The following SNX8 variants were observed in gnomAD, a reference collection of about 807,000 sequenced individuals.
The protein encoded by SNX8 is sorting nexin 8, also known as sorting nexin-8.
Under a neutral mutation model 51.6 loss-of-function variants are expected in SNX8, and 25 were observed. The observed-to-expected ratio is 0.48, with a 90% CI of 0.35 to 0.68. The LOEUF (loss-of-function observed/expected upper bound fraction) is 0.68. SNX8 is among the 30% of genes least tolerant of loss of function. The pLI is 0.00. For missense variants in SNX8, 695 were observed against 624.0 expected (o/e 1.11, Z -1.21); for synonymous variants, 324 against 277.0 (o/e 1.17, Z -1.68).
chr7:2,332,717 T>A (rs957755414), intron 1 of SNX8, among the ~76,000 whole-genome samples: 21 of 137,186 alleles, frequency 1.5e-4, no homozygotes, highest in African/African-American at 6.0e-4. Flanking sequence ...ACCACTGTAC[T>A]CCAGTGAGAG....
intron 1 of SNX8, among the ~76,000 whole-genome samples, chr7:2,298,392 C>T (rs992189560): frequency 1.3e-5 from 2 of 152,004 alleles, no homozygotes; most frequent in Non-Finnish European, 2.9e-5. Flanking sequence ...TTTTTTGAGA[C>T]GGAGTCTCAT....
intron 1 of SNX8, among the ~76,000 whole-genome samples, chr7:2,344,654 C>A (rs970674068): frequency 6.6e-6 from 1 of 151,750 alleles, no homozygotes; most frequent in Non-Finnish European, 1.5e-5. Flanking sequence ...TGTGGTGGCT[C>A]ACACCTGTAA....
intron 1 of SNX8, among the ~76,000 whole-genome samples, chr7:2,348,401 C>T (rs1667618177): frequency 6.9e-6 from 1 of 144,542 alleles, no homozygotes; most frequent in Non-Finnish European, 1.5e-5. Flanking sequence ...AGTGCAGTGG[C>T]GCGATCTCGG....
At chr7:2,317,595 C>G (rs1174302508), upstream of SNX8, among the ~76,000 whole-genome samples, 1 of 151,934 alleles carries the variant, frequency 6.6e-6, no homozygotes, top group East Asian at 1.9e-4. Context: ...CCTTCTAACG[C>G]TGATGTCACA....
chr7:2,288,783 G>C (rs1416311276), intron 1 of SNX8, among the ~76,000 whole-genome samples: 1 of 152,148 alleles, frequency 6.6e-6, no homozygotes, highest in East Asian at 1.9e-4. Context: ...GCCCAGGCTG[G>C]AGTGCAGTGA....
chr7:2,329,935 C>T (rs1412766676), intron 1 of SNX8, among the ~76,000 whole-genome samples: 1 of 142,762 alleles, frequency 7.0e-6, no homozygotes, highest in Admixed American at 7.1e-5. Context: ...TCAAGCAATT[C>T]GCCACTCCAC....
intron 1 of SNX8, among the ~76,000 whole-genome samples, chr7:2,346,543 C>T (rs555174904): frequency 5.3e-5 from 8 of 151,190 alleles, no homozygotes; most frequent in Non-Finnish European, 8.9e-5. Flanking sequence ...GTCAGGAGAT[C>T]GAGACCATCC....
upstream of SNX8, among the ~76,000 whole-genome samples, chr7:2,316,555 A>G (rs1006404029): frequency 4.7e-5 from 7 of 149,242 alleles, no homozygotes; most frequent in Admixed American, 2.7e-4. Context: ...TCACACAACC[A>G]CTCACTCACT....
intron 1 of SNX8, among the ~76,000 whole-genome samples, chr7:2,335,585 G>A (rs939873898): frequency 1.3e-5 from 2 of 152,012 alleles, no homozygotes; most frequent in African/African-American, 4.8e-5. Flanking sequence ...GGCGTATCAC[G>A]AGGTCAGGAG....
Position 2,298,303 on chromosome 7 carries a change from G to C in SNX8, c.94+16025C>G, listed in dbSNP as rs539597553. Among the ~76,000 whole-genome samples, 27 of 151,876 alleles carry C rather than the reference G, an allele frequency of 1.8e-4. 1 individual carries two copies. The highest frequency in any genetic ancestry group is 6.5e-4 in the African/African-American group (27 of 41,310). Reference sequence around the variant, plus strand: ...CAGCTAACTTTTTATTTTTTTTGTAGAGGCAAAGTCTCACTATGGTGCCCA... The same window carrying C: ...CAGCTAACTTTTTATTTTTTTTGTACAGGCAAAGTCTCACTATGGTGCCCA... On this transcript the variant is annotated intron_variant, in intron 1 of 10. Coordinates refer to ENST00000222990, the MANE Select transcript of SNX8 (RefSeq NM_013321.4).
At chr7:2,340,439 C>T (rs1583124340) in intron 1 of SNX8, among the ~76,000 whole-genome samples, 2 of 149,270 alleles carry the variant, frequency 1.3e-5, no homozygotes, top group African/African-American at 4.9e-5. Context: ...TCTTTTCTTG[C>T]TTTTTTTTTG....
At position 2,324,260 on chromosome 7, in the gene SNX8, C is replaced by T. The variant is rs566967360; in HGVS notation, c.-66+29962G>A. Among the ~76,000 whole-genome samples, 233 of 151,214 alleles carry T rather than the reference C, an allele frequency of 1.5e-3. 3 individuals carry two copies. Among genetic ancestry groups the T allele is most frequent in the South Asian group, 8.8e-3 (42 of 4,782 alleles). The stretch of plus-strand genomic sequence containing the variant: ...AGGAATTCAAAACCAGCCTGGGCAA[C>T]GTAGTGACACCCCATCTCTATTTTC... On this transcript the variant is annotated intron_variant, in intron 1 of 5. Transcript: ENST00000435336.
intron 1 of SNX8, among the ~76,000 whole-genome samples, 163 bp downstream of exon 1, chr7:2,314,165 G>A (rs1047827987): frequency 6.6e-6 from 1 of 152,226 alleles, no homozygotes; most frequent in Admixed American, 6.5e-5. Context: ...AGGCGCGCAG[G>A]AGGGCAGGGG....
intron 1 of SNX8, among the ~76,000 whole-genome samples, chr7:2,348,373 C>A (rs1779074169): frequency 7.2e-6 from 1 of 137,940 alleles, no homozygotes; most frequent in African/African-American, 2.7e-5. Context: ...CAGAGTCTCG[C>A]TCTGTCGCCC....
In SNX8 at chr7:2,269,738, A is replaced by C. The variant is rs1795598401; in HGVS notation, c.541-99T>G. 1.3e-5 allele frequency: 9 copies of C among 693,106 alleles called. No individual in the cohort carries two copies. The South Asian group carries it at 1.6e-4, about 12-fold the overall frequency. 42.9% of individuals were successfully genotyped at this position (693,106 alleles called of 1,614,324 possible). On this transcript the variant is annotated intron_variant, in intron 4 of 10. Transcript: ENST00000222990. ...GTGGAGCGGGAGGTCGTCTTTCCTC[A>C]GGAGAAACACATTTCCATATGTTGG...
chr7:2,290,603 G>C (rs535999656), intron 1 of SNX8, among the ~76,000 whole-genome samples: 10 of 152,340 alleles, frequency 6.6e-5, no homozygotes, highest in South Asian at 4.1e-4. Flanking sequence ...ATTCACGTGA[G>C]CAAGAAAGCC....
intron 1 of SNX8, among the ~76,000 whole-genome samples, chr7:2,312,609 C>A (rs147551132): frequency 3.3e-5 from 5 of 152,144 alleles, no homozygotes. Flanking sequence ...AGGATGCCCA[C>A]CAAATGCAAC....
chr7:2,255,141 G>C lies in SNX8; in HGVS notation c.1313C>G (p.Pro438Arg). 3.8e-6 allele frequency: 6 copies of C among 1,573,372 alleles called. No homozygotes were observed. Among genetic ancestry groups the C allele is most frequent in the Non-Finnish European group, 5.2e-6 (6 of 1,159,326 alleles). ...EMSKVWNDLR[P>R]KLSCLFAGPH... Reference sequence around the variant, plus strand: ...TCCCGCAAAGAGGCAGCTGAGCTTGGGCCTCAGGTCGTTCCACACCTTGCT... The same window carrying C: ...TCCCGCAAAGAGGCAGCTGAGCTTGCGCCTCAGGTCGTTCCACACCTTGCT... Residue 438 changes from proline (P) to arginine (R), a missense_variant, in exon 11 of 11, where the codon CCC becomes CGC. Transcript: ENST00000222990.
chr7:2,352,566 C>CT (rs1020580505), intron 1 of SNX8, among the ~76,000 whole-genome samples: 17 of 152,262 alleles, frequency 1.1e-4, no homozygotes, highest in African/African-American at 4.1e-4. Flanking sequence ...GGCGTATTGG[C>CT]TCACACCTGT....
Sources: allele counts gnomAD v4.1 joint callset (sites outside exome capture counted in the v4.1 genomes callset), GRCh38; gene constraint gnomAD v4.1.1; transcripts MANE v1.5; gene names NCBI Gene and HGNC (gene_info 2026-07-23, HGNC 2026-07-21).